RGL1: variants seen among roughly 807,000 people sequenced by gnomAD.
RGL1 encodes the protein ral guanine nucleotide dissociation stimulator like 1.
In RGL1, 24 loss-of-function variants were observed where a neutral mutation model predicts 95.2. The ratio of observed to expected loss-of-function variants is 0.25; its 90% CI spans 0.18 to 0.35. RGL1 has a LOEUF of 0.35. Ranked by LOEUF, RGL1 falls within the 10% of genes least tolerant of loss-of-function variation. The pLI, the probability that RGL1 is intolerant of heterozygous loss-of-function variation, is 1.00. For synonymous variants in RGL1, 329 were observed against 344.9 expected (o/e 0.95, Z 0.51); for missense variants, 715 against 936.3 (o/e 0.76, Z 3.08).
rs1403358125 is a variant in RGL1 at position 183,808,914 on chromosome 1, A to G, written c.138+2429A>G. Among the ~76,000 whole-genome samples, 4 of 152,214 alleles carry G rather than the reference A, an allele frequency of 2.6e-5. No individual in the cohort carries two copies. The East Asian group carries it at 5.8e-4, about 22-fold the overall frequency. ...TTCCTGGGACCTTAAGGCTGTTTCCATAGTAGTAGAAAAGAACATTGGCTC... is the reference window on the plus strand; with the variant it reads ...TTCCTGGGACCTTAAGGCTGTTTCCGTAGTAGTAGAAAAGAACATTGGCTC... On this transcript the variant is annotated intron_variant, in intron 2 of 17. Transcript: ENST00000360851.
chr1:183,653,705 AC>A (rs891719993), intron 1 of RGL1, among the ~76,000 whole-genome samples: 1 of 152,060 alleles, frequency 6.6e-6, no homozygotes, highest in Non-Finnish European at 1.5e-5. Context: ...TTCTGTCTAA[AC>A]CTAGGCTATG....
intron 1 of RGL1, among the ~76,000 whole-genome samples, chr1:183,666,755 G>A (rs1277510980): frequency 1.3e-5 from 2 of 152,200 alleles, no homozygotes; most frequent in Non-Finnish European, 2.9e-5. Context: ...ATCTGTGAAG[G>A]TATGTTTTAG....
intron 15 of RGL1, 103 bp downstream of exon 15, chr1:183,912,371 A>AT: frequency 1.1e-6 from 1 of 938,042 alleles, no homozygotes; most frequent in Non-Finnish European, 1.5e-6. Context: ...ACTCTATAGT[A>AT]TTTTGAAAGT....
intron 2 of RGL1, among the ~76,000 whole-genome samples, chr1:183,775,031 C>T (rs1415275452): frequency 2.0e-5 from 3 of 152,172 alleles, no homozygotes; most frequent in African/African-American, 7.2e-5. Context: ...TTTGTTTTCT[C>T]ATACATTATT....
chr1:183,871,523 T>A (rs1558261929), intron 4 of RGL1, among the ~76,000 whole-genome samples: 1 of 152,194 alleles, frequency 6.6e-6, no homozygotes. Context: ...GATTTAACCA[T>A]GAACAGAAAA....
intron 13 of RGL1, among the ~76,000 whole-genome samples, chr1:183,906,788 TC>T (rs75298680): frequency 0.3 from 45,481 of 152,032 alleles, 7,015 homozygotes; most frequent in East Asian, 0.49. Context: ...ATAGCCTCAA[TC>T]CATATGCCAG....
chr1:183,904,507 A>G (rs1321853897), intron 12 of RGL1, among the ~76,000 whole-genome samples: 1 of 152,168 alleles, frequency 6.6e-6, no homozygotes, highest in Non-Finnish European at 1.5e-5. Flanking sequence ...TCATTTTTCT[A>G]TTCCAAGGAT....
intron 1 of RGL1, among the ~76,000 whole-genome samples, chr1:183,711,642 G>A (rs1435605213): frequency 2.6e-5 from 4 of 152,144 alleles, no homozygotes; most frequent in Non-Finnish European, 4.4e-5. Flanking sequence ...TTCATTCCAT[G>A]TCCTGTTATA....
chr1:183,822,701 T>G (rs1235174030), intron 2 of RGL1, among the ~76,000 whole-genome samples: 2 of 152,232 alleles, frequency 1.3e-5, no homozygotes, highest in Non-Finnish European at 2.9e-5. Flanking sequence ...ACAATTTGTT[T>G]GTTTACTCAC....
In RGL1 at chr1:183,913,740, G is replaced by A. The variant is rs1572597677; in HGVS notation, c.1749+1472G>A. Among the ~76,000 whole-genome samples the A allele has an allele frequency of 2.0e-5, 3 of 152,278 alleles. No homozygotes were observed. In the South Asian group the frequency reaches 6.2e-4, roughly 32 times the overall value. ...GGACATGTGTGTTGCTTCACATGGT[G>A]TTAAAACAACAGTGGTAATCCTGGA... is the stretch of plus-strand genomic sequence containing the variant. On this transcript the variant is annotated intron_variant, in intron 15 of 17. Transcript: ENST00000360851.
At chr1:183,674,440 C>A (rs1652684913) in intron 1 of RGL1, among the ~76,000 whole-genome samples, 1 of 152,018 alleles carries the variant, frequency 6.6e-6, no homozygotes, top group African/African-American at 2.4e-5. Context: ...CAAATAAAAC[C>A]AGCTGTGACT....
At chr1:183,688,895 T>C (rs1049378880) in intron 1 of RGL1, among the ~76,000 whole-genome samples, 4 of 152,176 alleles carry the variant, frequency 2.6e-5, no homozygotes, top group Non-Finnish European at 5.9e-5. Flanking sequence ...CCATAGTTGT[T>C]AAAGTCCAAA....
At chr1:183,886,727 A>T (rs1667131180) in intron 7 of RGL1, among the ~76,000 whole-genome samples, 1 of 152,016 alleles carries the variant, frequency 6.6e-6, no homozygotes, top group African/African-American at 2.4e-5. Flanking sequence ...GTAATAAAAT[A>T]ATGAGGCTTA....
chr1:183,804,198 A>ATT (rs10637613), upstream of RGL1, among the ~76,000 whole-genome samples: 36,847 of 149,932 alleles, frequency 0.25, 5,438 homozygotes, highest in Middle Eastern at 0.34. Flanking sequence ...TGGGAGACCT[A>ATT]TTTTTTTTTT....
intron 1 of RGL1, among the ~76,000 whole-genome samples, chr1:183,701,940 AAAAAT>A (rs1393774926): frequency 6.6e-6 from 1 of 152,190 alleles, no homozygotes; most frequent in Admixed American, 6.5e-5. Context: ...CCATCTCGAA[AAAAAT>A]AAAATAAAAT....
chr1:183,829,732 A>G (rs1236880759), intron 2 of RGL1, among the ~76,000 whole-genome samples: 2 of 152,126 alleles, frequency 1.3e-5, no homozygotes, highest in East Asian at 1.9e-4. Flanking sequence ...TGGCCACATC[A>G]ACTTCTTTTT....
At chr1:183,822,672 T>C (rs913991581) in intron 2 of RGL1, among the ~76,000 whole-genome samples, 4 of 152,238 alleles carry the variant, frequency 2.6e-5, no homozygotes, top group Admixed American at 6.5e-5. Flanking sequence ...GTTGACCTCT[T>C]GTTTTATACT....
intron 2 of RGL1, among the ~76,000 whole-genome samples, chr1:183,766,416 G>A (rs913276389): frequency 2.0e-5 from 3 of 151,880 alleles, no homozygotes; most frequent in African/African-American, 4.8e-5. Context: ...AAAGTAATTT[G>A]AGAGAAACTC....
intron 1 of RGL1, among the ~76,000 whole-genome samples, chr1:183,701,439 T>A (rs924984910): frequency 2.0e-5 from 3 of 152,096 alleles, no homozygotes; most frequent in African/African-American, 7.2e-5. Flanking sequence ...CTGATGGGAA[T>A]GGAGAGGTAG....
Sources: gnomAD v4.1 joint callset for allele counts (sites outside exome capture counted in the v4.1 genomes callset) on GRCh38, gnomAD v4.1.1 for gene constraint, MANE v1.5 for transcripts, NCBI Gene and HGNC (gene_info 2026-07-23, HGNC 2026-07-21) for gene names.